CEMIP2: variants seen among roughly 807,000 people sequenced by gnomAD.
CEMIP2 encodes the protein cell migration inducing hyaluronidase 2.
Under a neutral mutation model 146.9 loss-of-function variants are expected in CEMIP2, and 79 were observed. The ratio of observed to expected loss-of-function variants is 0.54; its 90% CI spans 0.45 to 0.65. CEMIP2 has a LOEUF of 0.65. Among genes scored for constraint, CEMIP2 ranks in the 30% least tolerant of loss-of-function variants. CEMIP2 has a pLI of 0.00. For synonymous variants in CEMIP2, 601 were observed against 606.3 expected, an observed-to-expected ratio of 0.99 and a Z score of 0.13; for missense variants, 1,596 against 1,696.2, an observed-to-expected ratio of 0.94 and a Z score of 1.04.
intron 10 of CEMIP2, among the ~76,000 whole-genome samples, chr9:71,728,283 A>ACT: frequency 3.9e-5 from 1 of 25,604 alleles, no homozygotes; most frequent in Admixed American, 7.7e-4. Context: ...ATATATATGT[A>ACT]TATATATATA....
intron 10 of CEMIP2, among the ~76,000 whole-genome samples, chr9:71,729,366 T>C (rs542440990): frequency 2.2e-3 from 332 of 149,994 alleles, no homozygotes; most frequent in South Asian, 3.4e-3. Context: ...ACGCCTGTAA[T>C]CCCAGCACTT....
At chr9:71,742,790 C>T (rs1404209005) in intron 4 of CEMIP2, among the ~76,000 whole-genome samples, 4 of 152,172 alleles carry the variant, frequency 2.6e-5, no homozygotes, top group African/African-American at 9.7e-5. Context: ...GAAATACATG[C>T]ACATGTACAT....
chr9:71,758,763 T>C (rs1824539137), intron 1 of CEMIP2, among the ~76,000 whole-genome samples: 1 of 152,214 alleles, frequency 6.6e-6, no homozygotes, highest in Non-Finnish European at 1.5e-5. Flanking sequence ...TTCTGTTTGC[T>C]GCTGTTTGCT....
intron 4 of CEMIP2, among the ~76,000 whole-genome samples, chr9:71,744,014 T>C (rs559048762): frequency 6.6e-6 from 1 of 152,312 alleles, no homozygotes; most frequent in African/African-American, 2.4e-5. Flanking sequence ...GTCTTTTAAA[T>C]GAAATGTTAG....
Position 71,750,165 on chromosome 9 carries a change from TG to T in CEMIP2, c.208del (p.Gln70ArgfsTer32). 1 of 1,614,020 alleles carries T rather than the reference TG, an allele frequency of 6.2e-7. No homozygotes were observed. The highest frequency in any genetic ancestry group is 2.2e-5 in the East Asian group (1 of 44,732). ...TCTCTTTTGCTTTTGACTTTCTCTCTGGGCTTGCTGTTCTTCAGGTGAGAAT... is the reference window on the plus strand; with the variant it reads ...TCTCTTTTGCTTTTGACTTTCTCTCTGGCTTGCTGTTCTTCAGGTGAGAAT... Reference protein sequence around the residue: ...FAFSPEEQQAQRESQKQKRHK... With the variant: ...FAFSPEEQQAXRESQKQKRHK... On this transcript the variant is annotated frameshift_variant, in exon 2 of 24. Coordinates refer to ENST00000377044, the MANE Select transcript of CEMIP2 (RefSeq NM_013390.3). LOFTEE classifies it high-confidence loss of function.
chr9:71,722,339 A>G, intron 12 of CEMIP2, 88 bp downstream of exon 12: 1 of 999,696 alleles, frequency 1.0e-6, no homozygotes, highest in East Asian at 2.5e-5. Flanking sequence ...TAAATGTATT[A>G]CCACAGAAAG....
In CEMIP2 at chr9:71,704,664, T is replaced by C. The variant is rs1298296244; in HGVS notation, c.3125A>G (p.Lys1042Arg). 5.6e-6 allele frequency: 9 copies of C among 1,614,058 alleles called. No homozygotes were observed. The South Asian group carries it at 7.7e-5, about 14-fold the overall frequency. ...CCCATTCCAGTGGATGGTATAACCC[T>C]TCTCCAGCATGACGACAGGCTGGTA... The part of the protein sequence containing the change: ...PQYQPVVMLE[K>R]GYTIHWNGPA... The change falls in exon 18 of 24, where the codon AAG (lysine) becomes AGG (arginine). Residue 1042 changes from lysine to arginine, a missense_variant. Lys to Arg is a conservative substitution (Grantham distance 26). Coordinates refer to ENST00000377044, the MANE Select transcript of CEMIP2 (RefSeq NM_013390.3).
rs770386937 is a variant in CEMIP2 at position 71,704,615 on chromosome 9, T to C, written c.3174A>G (p.Leu1058=). The change falls in exon 18 of 24, where the codon CTA becomes CTG. Residue 1058 remains leucine (L), a synonymous_variant. Transcript: ENST00000377044. The part of the protein sequence containing the change: ...WNGPAPRTTF[L]YLVNFNKNDW... ...CATACTTGTTGAAGTTGACGAGGTATAGAAATGTAGTCCGTGGTGCCGGCC... is the reference window on the plus strand; with the variant it reads ...CATACTTGTTGAAGTTGACGAGGTACAGAAATGTAGTCCGTGGTGCCGGCC... 3.1e-6 allele frequency: 5 copies of C among 1,614,172 alleles called. No individual in the cohort carries two copies. The highest frequency in any genetic ancestry group is 2.2e-5 in the East Asian group (1 of 44,890).
At chr9:71,737,288 A>G (rs1000845062) in intron 5 of CEMIP2, among the ~76,000 whole-genome samples, 4 of 151,918 alleles carry the variant, frequency 2.6e-5, no homozygotes, top group African/African-American at 7.2e-5. Context: ...CCCCGTCTCT[A>G]CTAAAAATAC....
At chr9:71,714,681 G>T (rs1249452357) in intron 15 of CEMIP2, among the ~76,000 whole-genome samples, 1 of 152,140 alleles carries the variant, frequency 6.6e-6, no homozygotes, top group Non-Finnish European at 1.5e-5. Context: ...AAGTTTCTTT[G>T]TTATAAAATT....
chr9:71,765,402 C>G (rs982111298), intron 1 of CEMIP2, among the ~76,000 whole-genome samples: 16 of 152,148 alleles, frequency 1.1e-4, no homozygotes, highest in African/African-American at 3.9e-4. Context: ...CCAAAACATT[C>G]CCATAAAGCA....
intron 18 of CEMIP2, among the ~76,000 whole-genome samples, chr9:71,703,036 T>C (rs1330196345): frequency 1.3e-5 from 2 of 152,352 alleles, no homozygotes; most frequent in South Asian, 2.1e-4. Context: ...TTGACTTCTC[T>C]GCAACTCACT....
chr9:71,729,183 A>G (rs770531621), intron 10 of CEMIP2, among the ~76,000 whole-genome samples: 1 of 152,056 alleles, frequency 6.6e-6, no homozygotes, highest in Non-Finnish European at 1.5e-5. Context: ...ATTATCAGTT[A>G]CTTGGCCACA....
At chr9:71,767,959 T>A (rs1452116603) in intron 1 of CEMIP2, among the ~76,000 whole-genome samples, 2 of 152,022 alleles carry the variant, frequency 1.3e-5, no homozygotes, top group East Asian at 3.9e-4. Flanking sequence ...TACTGTGGGG[T>A]TTATCCCCTC....
chr9:71,686,782 A>G (rs1055181488), intron 22 of CEMIP2: 4 of 152,168 alleles, frequency 2.6e-5, no homozygotes, highest in African/African-American at 9.7e-5. Flanking sequence ...CACTGTGCCT[A>G]TTCAGTAATT....
intron 5 of CEMIP2, among the ~76,000 whole-genome samples, chr9:71,735,586 A>T (rs1366272567): frequency 6.6e-6 from 1 of 152,232 alleles, no homozygotes; most frequent in Admixed American, 6.5e-5. Flanking sequence ...CAGCAGTTCG[A>T]GACCAGCCTG....
chr9:71,719,025 G>A (rs192630470), intron 12 of CEMIP2, among the ~76,000 whole-genome samples: 45 of 152,112 alleles, frequency 3.0e-4, no homozygotes, highest in Non-Finnish European at 4.4e-4. Flanking sequence ...ATAGTCAAAC[G>A]GCCCCATGAT....
chr9:71,704,834 G>A, intron 17 of CEMIP2, 31 bp from the exon 18 acceptor site: 1 of 1,601,110 alleles, frequency 6.2e-7, no homozygotes, highest in Non-Finnish European at 8.6e-7. Context: ...GTAAAGGGAA[G>A]AGAATGAAAA....
In CEMIP2 at chr9:71,745,067, T is replaced by C. The variant is rs770151881; in HGVS notation, c.985A>G (p.Met329Val). Residue 329 changes from methionine to valine, a missense_variant, in exon 4 of 24, where the codon ATG (methionine) becomes GTG (valine). Coordinates refer to ENST00000377044, the MANE Select transcript of CEMIP2 (RefSeq NM_013390.3). ...AKSLLQGTIQ[M>V]IQERLGSELI... Reference sequence around the variant, plus strand: ...TCACTTCCCAACCGTTCCTGGATCATCTGGATGGTTCCTTGTAAGAGACTT... The same window carrying C: ...TCACTTCCCAACCGTTCCTGGATCACCTGGATGGTTCCTTGTAAGAGACTT... The C allele has an allele frequency of 6.2e-7, 1 of 1,614,126 alleles. No homozygotes were observed. The highest frequency in any genetic ancestry group is 1.1e-5 in the South Asian group (1 of 91,088).
Sources: allele counts gnomAD v4.1 joint callset (sites outside exome capture counted in the v4.1 genomes callset), GRCh38; gene constraint gnomAD v4.1.1; transcripts MANE v1.5; gene names NCBI Gene and HGNC (gene_info 2026-07-23, HGNC 2026-07-21).